Variants in DOCK10 observed in about 807,000 individuals in gnomAD.
DOCK10 encodes the protein dedicator of cytokinesis 10.
In DOCK10, 145 loss-of-function variants were observed where a neutral mutation model predicts 280.1. The observed-to-expected ratio is 0.52, with a 90% CI of 0.45 to 0.59. The LOEUF (loss-of-function observed/expected upper bound fraction) is 0.59, where lower values mean the gene tolerates loss of function less well. Ranked by LOEUF, DOCK10 falls within the 20% of genes least tolerant of loss-of-function variation. The pLI, the probability that DOCK10 is intolerant of heterozygous loss-of-function variation, is 0.00. For missense variants in DOCK10, 2,368 were observed against 2,651.7 expected (o/e 0.89, Z 2.35); for synonymous variants, 915 against 942.2 (o/e 0.97, Z 0.53).
chr2:224,962,780 AT>A (rs1704523224), intron 1 of DOCK10, among the ~76,000 whole-genome samples: 1 of 152,226 alleles, frequency 6.6e-6, no homozygotes. Context: ...CAAGTATATT[AT>A]AATGGATTGC....
At chr2:224,884,977 C>T (rs1373068257) in intron 7 of DOCK10, among the ~76,000 whole-genome samples, 1 of 151,954 alleles carries the variant, frequency 6.6e-6, no homozygotes, top group Non-Finnish European at 1.5e-5. Flanking sequence ...TTTGAACTTG[C>T]TGCCTTTGCT....
chr2:224,795,677 T>TGA (rs1692514357), intron 44 of DOCK10, among the ~76,000 whole-genome samples: 2 of 152,132 alleles, frequency 1.3e-5, no homozygotes, highest in Admixed American at 1.3e-4. Flanking sequence ...TGACAGACAG[T>TGA]GAGAGAGGCA....
chr2:224,813,677 A>C (rs1253607037), intron 31 of DOCK10, among the ~76,000 whole-genome samples: 1 of 152,232 alleles, frequency 6.6e-6, no homozygotes, highest in African/African-American at 2.4e-5. Flanking sequence ...CCAGCTCATA[A>C]ATGACCAATA....
intron 1 of DOCK10, among the ~76,000 whole-genome samples, chr2:224,947,349 T>G (rs1426089118): frequency 6.6e-6 from 1 of 152,218 alleles, no homozygotes; most frequent in Non-Finnish European, 1.5e-5. Flanking sequence ...CCACCCAAAC[T>G]TTATAATTCT....
At chr2:224,973,247 C>T (rs1705197384) in intron 1 of DOCK10, among the ~76,000 whole-genome samples, 1 of 152,166 alleles carries the variant, frequency 6.6e-6, no homozygotes, top group South Asian at 2.1e-4. Context: ...AGAACAACAG[C>T]CCCTTAACAA....
At chr2:224,887,078 A>C (rs1007945492) in intron 4 of DOCK10, among the ~76,000 whole-genome samples, 4 of 152,252 alleles carry the variant, frequency 2.6e-5, no homozygotes, top group East Asian at 1.9e-4. Flanking sequence ...AATTACATAA[A>C]CTTACACATA....
chr2:224,831,921 T>C (rs1490607258), intron 26 of DOCK10, among the ~76,000 whole-genome samples: 1 of 151,824 alleles, frequency 6.6e-6, no homozygotes, highest in East Asian at 1.9e-4. Flanking sequence ...GAAGGGGAGG[T>C]AGGGGCTCCT....
chr2:224,833,018 A>G (rs151273697), intron 26 of DOCK10, among the ~76,000 whole-genome samples: 37 of 152,122 alleles, frequency 2.4e-4, no homozygotes, highest in African/African-American at 8.0e-4. Context: ...TGAAGATGCA[A>G]TTCTTCTCCG....
At chr2:224,993,730 C>T (rs1706192370) in intron 1 of DOCK10, among the ~76,000 whole-genome samples, 1 of 152,164 alleles carries the variant, frequency 6.6e-6, no homozygotes, top group Non-Finnish European at 1.5e-5. Flanking sequence ...ACTCTGTCCC[C>T]TACCCAATGT....
At chr2:224,809,450 CAG>C (rs1472982372) in intron 31 of DOCK10, among the ~76,000 whole-genome samples, 1 of 152,108 alleles carries the variant, frequency 6.6e-6, no homozygotes, top group African/African-American at 2.4e-5. Flanking sequence ...ATATACCTGA[CAG>C]GGGGCTGATA....
chr2:224,773,249 T>G lies in DOCK10; in HGVS notation c.6112A>C (p.Lys2038Gln). 4 of 1,614,012 alleles carry G rather than the reference T, an allele frequency of 2.5e-6. No individual in the cohort carries two copies. Among genetic ancestry groups the G allele is most frequent in the Non-Finnish European group, 3.4e-6 (4 of 1,179,886 alleles). Reference protein sequence around the residue: ...PIEVAIDEMSKKVSELNQLCT... With the variant: ...PIEVAIDEMSQKVSELNQLCT... ...AGCTGATTAAGCTCAGAAACCTTCT[T>G]GGACATCTCGTCAATTGCCACTTCA... Residue 2038 changes from lysine (K) to glutamine (Q), a missense_variant, in exon 53 of 56, where the codon AAG (lysine) becomes CAG (glutamine). Lys to Gln is a moderately conservative substitution (Grantham distance 53, BLOSUM62 1). Around this residue, in one of 2 missense-constraint regions of DOCK10, gnomAD observed 1,159 missense variants for 1,400.8 expected, o/e 0.83. Coordinates refer to ENST00000258390, the MANE Select transcript of DOCK10 (RefSeq NM_014689.3).
At chr2:224,785,636 A>C (rs1215812914) in intron 50 of DOCK10, among the ~76,000 whole-genome samples, 1 of 151,770 alleles carries the variant, frequency 6.6e-6, no homozygotes, top group Non-Finnish European at 1.5e-5. Context: ...GCCTGCCACC[A>C]CACCCGGCTA....
At chr2:224,976,907 G>A (rs975307974) in intron 1 of DOCK10, among the ~76,000 whole-genome samples, 1 of 152,136 alleles carries the variant, frequency 6.6e-6, no homozygotes, top group Non-Finnish European at 1.5e-5. Flanking sequence ...AGCACTGTAT[G>A]GCTGCAGGCA....
At chr2:224,776,773 C>T (rs1690895284) in intron 51 of DOCK10, among the ~76,000 whole-genome samples, 2 of 152,220 alleles carry the variant, frequency 1.3e-5, no homozygotes, top group African/African-American at 4.8e-5. Flanking sequence ...AACATATCTC[C>T]CTCTTTCATT....
At chr2:224,956,625 G>GAAAAAAAAAA (rs3083983) in intron 1 of DOCK10, among the ~76,000 whole-genome samples, 1 of 78,656 alleles carries the variant, frequency 1.3e-5, no homozygotes, top group Non-Finnish European at 2.3e-5. Context: ...CGCTACCTCA[G>GAAAAAAAAAA]AAAAAAAAAA....
At chr2:224,843,313 C>A (rs753035648) in intron 22 of DOCK10, among the ~76,000 whole-genome samples, 1 of 151,970 alleles carries the variant, frequency 6.6e-6, no homozygotes, top group Non-Finnish European at 1.5e-5. Context: ...TAGTGAGAGT[C>A]GAGGTAGAGA....
intron 1 of DOCK10, 73 bp from the exon 2 acceptor site, chr2:224,931,741 ATC>A (rs35061287): frequency 0.35 from 508,074 of 1,467,134 alleles, 89,371 homozygotes; most frequent in Middle Eastern, 0.41. Flanking sequence ...GTTGGATTTC[ATC>A]TCTTAGTTAT....
intron 3 of DOCK10, among the ~76,000 whole-genome samples, chr2:224,899,592 T>C (rs113940355): frequency 1.7e-3 from 258 of 152,244 alleles, no homozygotes; most frequent in Non-Finnish European, 2.9e-3. Flanking sequence ...TTATATAGGC[T>C]GGTTAGCATG....
At chr2:224,792,794 T>C (rs1483323167) in intron 47 of DOCK10, among the ~76,000 whole-genome samples, 180 bp downstream of exon 47, 1 of 152,244 alleles carries the variant, frequency 6.6e-6, no homozygotes, top group Non-Finnish European at 1.5e-5. Flanking sequence ...ATTTAAATTT[T>C]ATAAATTTTG....
Sources: allele counts gnomAD v4.1 joint callset (sites outside exome capture counted in the v4.1 genomes callset), GRCh38; gene constraint gnomAD v4.1.1; regional missense constraint gnomAD v4.1.1; transcripts MANE v1.5; gene names NCBI Gene and HGNC (gene_info 2026-07-23, HGNC 2026-07-21).